TRIM14: variants seen among roughly 807,000 people sequenced by gnomAD.
The protein encoded by TRIM14 is tripartite motif containing 14.
Under a neutral mutation model 44.5 loss-of-function variants are expected in TRIM14, and 28 were observed. The observed-to-expected ratio is 0.63, with a 90% CI of 0.47 to 0.86. The LOEUF is 0.86. Among genes scored for constraint, TRIM14 ranks in the 40% least tolerant of loss-of-function variants. The pLI, the probability that TRIM14 is intolerant of heterozygous loss-of-function variation, is 0.00. For synonymous variants in TRIM14, 299 were observed against 269.2 expected (o/e 1.11, Z -1.08); for missense variants, 607 against 611.1 (o/e 0.99, Z 0.07).
intron 1 of TRIM14, among the ~76,000 whole-genome samples, chr9:98,112,797 C>CAAAA (rs34150823): frequency 1.5e-5 from 1 of 68,402 alleles, no homozygotes; most frequent in Non-Finnish European, 2.7e-5. Context: ...GACTCAATCT[C>CAAAA]AAAAAAAAAA....
downstream of TRIM14, chr9:98,082,829 G>T: frequency 1.9e-6 from 3 of 1,612,638 alleles, no homozygotes; most frequent in Non-Finnish European, 2.5e-6. Context: ...GGCACTGAAT[G>T]TTCATTTTGT....
At chr9:98,100,556 G>A (rs936200772) in intron 2 of TRIM14, among the ~76,000 whole-genome samples, 2 of 152,050 alleles carry the variant, frequency 1.3e-5, no homozygotes, top group African/African-American at 2.4e-5. Flanking sequence ...GAGAGAATAA[G>A]CATAAGAAAA....
intron 5 of TRIM14, among the ~76,000 whole-genome samples, chr9:98,088,350 C>CA (rs1554732384): frequency 6.9e-6 from 1 of 145,338 alleles, no homozygotes; most frequent in Non-Finnish European, 1.5e-5. Flanking sequence ...TATAGCTTTT[C>CA]TTTTTCTTTT....
At chr9:98,078,369 C>A (rs982085330) in intron 6 of TRIM14, 2 of 1,609,544 alleles carry the variant, frequency 1.2e-6, no homozygotes, top group Non-Finnish European at 1.7e-6. Flanking sequence ...GGAGGGGGTT[C>A]CCTTCTTGGG....
At chr9:98,077,826 G>T (rs113657677) in intron 6 of TRIM14, among the ~76,000 whole-genome samples, 25 of 152,272 alleles carry the variant, frequency 1.6e-4, no homozygotes, top group African/African-American at 5.8e-4. Context: ...AGAAGTGGCA[G>T]CTCCACACCT....
chr9:98,091,891 CA>C lies in TRIM14; in HGVS notation c.793+17del, dbSNP rs1205346108. ...ATCTCCACCGTCTCCACCCTATCCCCACTCCCGGGGGTCTTACATTTCAGCA... is the reference window on the plus strand; with the variant it reads ...ATCTCCACCGTCTCCACCCTATCCCCCTCCCGGGGGTCTTACATTTCAGCA... On this transcript the variant is annotated intron_variant, in intron 5 of 5. Transcript: ENST00000341469. 1 of 1,561,846 alleles carries C rather than the reference CA, an allele frequency of 6.4e-7. No individual in the cohort carries two copies. The highest frequency in any genetic ancestry group is 8.7e-7 in the Non-Finnish European group (1 of 1,148,886).
chr9:98,077,560 A>G (rs1170965578), intron 6 of TRIM14, among the ~76,000 whole-genome samples: 2 of 152,108 alleles, frequency 1.3e-5, no homozygotes, highest in Non-Finnish European at 2.9e-5. Context: ...ATGACAGTAT[A>G]TATAAAACCT....
At chr9:98,040,813 C>G in the TRIM14 span, among the ~76,000 whole-genome samples, 29 of 152,178 alleles carry the variant, frequency 1.9e-4, no homozygotes, top group African/African-American at 7.0e-4. Context: ...CCCGACATCA[C>G]GCCCGGCTAA....
chr9:98,099,581 G>T (rs1564180891), intron 3 of TRIM14, among the ~76,000 whole-genome samples: 2 of 151,978 alleles, frequency 1.3e-5, no homozygotes, highest in Admixed American at 6.6e-5. Flanking sequence ...CCTGCTGTGT[G>T]AGACCAGGTG....
the TRIM14 span, among the ~76,000 whole-genome samples, chr9:98,050,424 T>C: frequency 2.0e-5 from 3 of 152,180 alleles, no homozygotes; most frequent in Non-Finnish European, 4.4e-5. Context: ...GAACAAGGAC[T>C]GAGTAGAGGG....
chr9:98,063,005 C>T, the TRIM14 span, among the ~76,000 whole-genome samples: 1 of 151,806 alleles, frequency 6.6e-6, no homozygotes, highest in African/African-American at 2.4e-5. Flanking sequence ...GGCGTGATCT[C>T]GGCTCGCTGC....
the TRIM14 span, among the ~76,000 whole-genome samples, chr9:98,054,932 T>C: frequency 6.6e-6 from 1 of 152,344 alleles, no homozygotes; most frequent in South Asian, 2.1e-4. Context: ...GAGTAATTCA[T>C]GCAGAGCCAG....
intron 3 of TRIM14, among the ~76,000 whole-genome samples, chr9:98,096,561 G>A (rs970965343): frequency 2.6e-5 from 4 of 152,168 alleles, no homozygotes; most frequent in African/African-American, 7.2e-5. Flanking sequence ...GCATGAAACC[G>A]AGCACAGCCA....
At chr9:98,064,906 A>G (rs1424885439), downstream of TRIM14, among the ~76,000 whole-genome samples, 1 of 152,234 alleles carries the variant, frequency 6.6e-6, no homozygotes, top group Non-Finnish European at 1.5e-5. Context: ...TCTGGGCCCA[A>G]GAGCTGCCTT....
rs767705083 is a variant in TRIM14, at chr9:98,119,172, G to C, written c.17C>G (p.Thr6Ser). Residue 6 changes from threonine (T) to serine (S), a missense_variant, in exon 1 of 6, where the codon ACC becomes AGC. Physicochemically the swap from Thr to Ser is moderately conservative, Grantham distance 58. Transcript: ENST00000341469. Reference sequence around the variant, plus strand: ...CGACCTCCCAGGGGTCCGGCTCCCGGTCGCCGCGCCCGCCATTCATCTCCA... The same window carrying C: ...CGACCTCCCAGGGGTCCGGCTCCCGCTCGCCGCGCCCGCCATTCATCTCCA... MAGAA[T>S]GSRTPGRSEL... 4 of 1,576,576 alleles carry C rather than the reference G, an allele frequency of 2.5e-6. No homozygotes were observed. The highest frequency in any genetic ancestry group is 3.4e-6 in the Non-Finnish European group (4 of 1,171,634).
intron 1 of TRIM14, among the ~76,000 whole-genome samples, chr9:98,114,434 T>C (rs1048682721): frequency 6.6e-5 from 10 of 152,022 alleles, no homozygotes; most frequent in Non-Finnish European, 8.8e-5. Flanking sequence ...CCCGGGTTCA[T>C]GCCATTCTCC....
chr9:98,082,828 T>A, downstream of TRIM14: 1 of 1,612,566 alleles, frequency 6.2e-7, no homozygotes, highest in Non-Finnish European at 8.5e-7. Flanking sequence ...TGGCACTGAA[T>A]GTTCATTTTG....
chr9:98,061,728 C>T, the TRIM14 span, among the ~76,000 whole-genome samples: 122 of 150,380 alleles, frequency 8.1e-4, 1 homozygote, highest in African/African-American at 2.8e-3. Context: ...TGCAGTAAGC[C>T]GAGATCGCGC....
chr9:98,096,521 CA>C (rs1366992055), intron 3 of TRIM14, among the ~76,000 whole-genome samples: 6 of 152,208 alleles, frequency 3.9e-5, no homozygotes, highest in Non-Finnish European at 8.8e-5. Flanking sequence ...CACAGGTTCT[CA>C]AAACATATGT....
Sources: gnomAD v4.1 joint callset for allele counts (sites outside exome capture counted in the v4.1 genomes callset) on GRCh38, gnomAD v4.1.1 for gene constraint, MANE v1.5 for transcripts, NCBI Gene and HGNC (gene_info 2026-07-23, HGNC 2026-07-21) for gene names.